The following LACTB2 variants were observed in gnomAD, a reference collection of about 807,000 sequenced individuals.
The protein encoded by LACTB2 is endoribonuclease LACTB2.
LACTB2 carries 32 observed loss-of-function variants against 34.8 expected under a neutral mutation model. The observed-to-expected ratio is 0.92, with a 90% confidence interval of 0.69 to 1.24. The LOEUF is 1.24. Among genes scored for constraint, LACTB2 ranks in the 50% most tolerant of loss-of-function variants. The pLI is 0.00. For synonymous variants in LACTB2, 120 were observed against 117.5 expected (o/e 1.02, Z -0.14); for missense variants, 320 against 345.0 (o/e 0.93, Z 0.57).
In LACTB2 at chr8:70,637,911, A is replaced by G. The variant is rs754196930; in HGVS notation, c.824-8T>C. The G allele has an allele frequency of 3.3e-6, 5 of 1,511,250 alleles. No homozygotes were observed. Among genetic ancestry groups the G allele is most frequent in the Non-Finnish European group, 4.5e-6 (5 of 1,118,820 alleles). The allele number at this position is 1,511,250 out of a possible 1,614,324, so 93.6% of individuals were successfully genotyped here. On this transcript the variant is annotated splice_polypyrimidine_tract_variant and splice_region_variant and intron_variant, in intron 6 of 6. Transcript: ENST00000276590. Reference sequence around the variant, plus strand: ...CAGGATCTGTGTTGCTAACTGTAAAAAGAAAATCAGAGAGTAAAAATTTAA... The same window carrying G: ...CAGGATCTGTGTTGCTAACTGTAAAGAGAAAATCAGAGAGTAAAAATTTAA...
intron 3 of LACTB2, among the ~76,000 whole-genome samples, chr8:70,647,020 C>T (rs1424372128): frequency 6.6e-6 from 1 of 152,160 alleles, no homozygotes; most frequent in Non-Finnish European, 1.5e-5. Flanking sequence ...CAGGCAGTGT[C>T]TTCAGGGATT....
intron 1 of LACTB2, chr8:70,663,368 C>T (rs1369946823): frequency 6.6e-6 from 1 of 152,248 alleles, no homozygotes; most frequent in Non-Finnish European, 1.5e-5. Flanking sequence ...AAACTGGCCT[C>T]TCATAAGGGA....
At chr8:70,643,214 T>A (rs1818221588) in intron 4 of LACTB2, among the ~76,000 whole-genome samples, 2 of 2,880 alleles carry the variant, frequency 6.9e-4, no homozygotes, top group Non-Finnish European at 1.9e-3. Context: ...TTTCCTTTTT[T>A]TTTTTTTTTT....
At chr8:70,654,302 T>A (rs977390559) in intron 3 of LACTB2, among the ~76,000 whole-genome samples, 1 of 151,850 alleles carries the variant, frequency 6.6e-6, no homozygotes, top group African/African-American at 2.4e-5. Flanking sequence ...CCCAGGAATA[T>A]TTGTATATGG....
At chr8:70,641,181 A>C in intron 4 of LACTB2, 131 bp from the exon 5 acceptor site, 1 of 848,986 alleles carries the variant, frequency 1.2e-6, no homozygotes, top group East Asian at 3.2e-5. Flanking sequence ...TCAAATATGA[A>C]CTATTTGGAA....
At chr8:70,645,903 G>A (rs1818258249) in intron 3 of LACTB2, 2 of 152,028 alleles carry the variant, frequency 1.3e-5, no homozygotes, top group Admixed American at 6.6e-5. Flanking sequence ...ATTGTTGGAC[G>A]TTTGGGTTGG....
chr8:70,646,863 A>C (rs960425239), intron 3 of LACTB2, among the ~76,000 whole-genome samples: 7 of 152,196 alleles, frequency 4.6e-5, no homozygotes, highest in African/African-American at 1.7e-4. Context: ...GTTATTCTGT[A>C]GGCTTCACAT....
chr8:70,641,176 T>C, intron 4 of LACTB2, 126 bp from the exon 5 acceptor site: 1 of 891,522 alleles, frequency 1.1e-6, no homozygotes, highest in South Asian at 2.5e-5. Flanking sequence ...AAATGTCAAA[T>C]ATGAACTATT....
rs891804322 is a variant in LACTB2 at position 70,637,323 on chromosome 8, A to G, written c.*537T>C. On this transcript the variant is annotated 3_prime_UTR_variant, in exon 7 of 7. Coordinates refer to ENST00000276590, the MANE Select transcript of LACTB2 (RefSeq NM_016027.3). ...CACCAAAAATTCATTTGCATGAATC[A>G]TTTGTGGTATACCAGAATAAGAAAA... 2 of 152,220 alleles carry G rather than the reference A, an allele frequency of 1.3e-5. No individual in the cohort carries two copies. Among genetic ancestry groups the G allele is most frequent in the African/African-American group, 4.8e-5 (2 of 41,466 alleles). The allele number at this position is 152,220 out of a possible 1,614,324, so 9.4% of individuals were successfully genotyped here. A position where few individuals can be genotyped will look rare whatever the true frequency, so the allele number is the denominator to read the frequency against.
chr8:70,661,879 A>C lies in LACTB2; in HGVS notation c.141T>G (p.Thr47=). 2 of 1,608,702 alleles carry C rather than the reference A, an allele frequency of 1.2e-6. No individual in the cohort carries two copies. Among genetic ancestry groups the C allele is most frequent in the Non-Finnish European group, 1.7e-6 (2 of 1,178,290 alleles). The change falls in exon 2 of 7, where the codon ACT becomes ACG. Residue 47 remains threonine (T), a synonymous_variant. Coordinates refer to ENST00000276590, the MANE Select transcript of LACTB2 (RefSeq NM_016027.3). The part of the protein sequence containing the change: ...GTGPRRILID[T]GEPAIPEYIS... The stretch of plus-strand genomic sequence containing the variant: ...TGTATTCTGGAATTGCTGGTTCTCC[A>C]GTGTCAATGAGGATTCTCCTGAAAA...
chr8:70,660,980 A>G lies in LACTB2; in HGVS notation c.286+754T>C, dbSNP rs570534575. On this transcript the variant is annotated intron_variant, in intron 2 of 6. Transcript: ENST00000276590. ...TTTTTTGTAGAGACAGGGTCTTGCT[A>G]TGTTGCCCAAGCTGGTCTTGAACTC... 369 of 452,942 alleles carry G rather than the reference A, an allele frequency of 8.1e-4. 4 individuals are homozygous for G. The highest frequency in any genetic ancestry group is 5.7e-3 in the South Asian group (360 of 63,694). 28.1% of individuals were successfully genotyped at this position (452,942 alleles called of 1,614,324 possible).
rs768289327 is a variant in LACTB2, at chr8:70,637,814, C to T, written c.*46G>A. On this transcript the variant is annotated 3_prime_UTR_variant, in exon 7 of 7. Transcript: ENST00000276590. ...AATAACCTATAGTTAAGAAAACATA[C>T]CATTCTCTGAAAGCAAAATAAAACA... The T allele has an allele frequency of 2.5e-6, 3 of 1,223,144 alleles. No homozygotes were observed. The highest frequency in any genetic ancestry group is 2.4e-5 in the East Asian group (1 of 41,096). 75.8% of individuals were successfully genotyped at this position (1,223,144 alleles called of 1,614,324 possible). A position where few individuals can be genotyped will look rare whatever the true frequency, so the allele number is the denominator to read the frequency against.
intron 5 of LACTB2, among the ~76,000 whole-genome samples, chr8:70,640,015 C>A (rs1350676518): frequency 2.6e-5 from 4 of 152,116 alleles, no homozygotes; most frequent in Admixed American, 2.0e-4. Flanking sequence ...GGCTGGTGTG[C>A]AACGGTGCGA....
At chr8:70,668,973 T>G in intron 1 of LACTB2, 26 bp downstream of exon 1, 1 of 1,565,182 alleles carries the variant, frequency 6.4e-7, no homozygotes, top group Non-Finnish European at 8.7e-7. Flanking sequence ...CTGCGAACGT[T>G]GGGGAGGTTG....
Position 70,638,533 on chromosome 8 carries a change from T to C in LACTB2, c.823+15A>G. 6.5e-7 allele frequency: 1 copy of C among 1,526,914 alleles called. No homozygotes were observed. The highest frequency in any genetic ancestry group is 8.8e-7 in the Non-Finnish European group (1 of 1,140,246). 94.6% of individuals were successfully genotyped at this position (1,526,914 alleles called of 1,614,324 possible). A position where few individuals can be genotyped will look rare whatever the true frequency, so the allele number is the denominator to read the frequency against. On this transcript the variant is annotated intron_variant, in intron 6 of 6. Coordinates refer to ENST00000276590, the MANE Select transcript of LACTB2 (RefSeq NM_016027.3). The stretch of plus-strand genomic sequence containing the variant: ...TAAATGCTGGTAATAGAAGAAAATT[T>C]GGAAGCATACTCACATATTTTTCCT...
chr8:70,639,008 G>T (rs939625333), intron 5 of LACTB2, among the ~76,000 whole-genome samples: 1 of 151,972 alleles, frequency 6.6e-6, no homozygotes, highest in Non-Finnish European at 1.5e-5. Flanking sequence ...AAAGTGCTGG[G>T]ATTACAGACG....
At chr8:70,662,084 A>C in intron 1 of LACTB2, 187 bp from the exon 2 acceptor site, 1 of 494,950 alleles carries the variant, frequency 2.0e-6, no homozygotes, top group Non-Finnish European at 3.5e-6. Flanking sequence ...TCTGAGAAAA[A>C]TTAGAGCTAA....
intron 1 of LACTB2, chr8:70,662,915 C>T (rs1391119014): frequency 1.3e-5 from 2 of 152,032 alleles, no homozygotes; most frequent in African/African-American, 2.4e-5. Flanking sequence ...CTCTTAACTC[C>T]TGGGGTCAAG....
chr8:70,669,134 G>A lies in LACTB2; in HGVS notation c.-14C>T, dbSNP rs1054483192. 1 of 1,607,296 alleles carries A rather than the reference G, an allele frequency of 6.2e-7. No homozygotes were observed. The highest frequency in any genetic ancestry group is 1.1e-5 in the South Asian group (1 of 90,442). ...TACAGCAGCCATTCCCGCCTCAGCC[G>A]CCCGCCGGCGTGTCGCCTATCTGGA... On this transcript the variant is annotated 5_prime_UTR_variant, in exon 1 of 7. Coordinates refer to ENST00000276590, the MANE Select transcript of LACTB2 (RefSeq NM_016027.3).
Sources: allele counts gnomAD v4.1 joint callset (sites outside exome capture counted in the v4.1 genomes callset), GRCh38; gene constraint gnomAD v4.1.1; transcripts MANE v1.5; gene names NCBI Gene and HGNC (gene_info 2026-07-23, HGNC 2026-07-21).